Variants in BCHE observed in about 807,000 individuals in gnomAD.
The protein encoded by BCHE is cholinesterase.
In BCHE, 48 loss-of-function variants were observed where a neutral mutation model predicts 51.3. That is an observed-to-expected ratio of 0.94 (90% confidence interval 0.74 to 1.19). The LOEUF (loss-of-function observed/expected upper bound fraction) is 1.19, where lower values mean the gene tolerates loss of function less well. BCHE is among the 50% of genes most tolerant of loss of function. The pLI is 0.00. For missense variants in BCHE, 847 were observed against 708.2 expected (o/e 1.20, Z -2.23); for synonymous variants, 251 against 238.0 (o/e 1.05, Z -0.50).
chr3:165,802,701 A>C (rs1025311003), intron 2 of BCHE, among the ~76,000 whole-genome samples: 2 of 151,362 alleles, frequency 1.3e-5, no homozygotes, highest in Admixed American at 1.3e-4. Flanking sequence ...CATGATGTTT[A>C]ATGTCATAGA....
In BCHE at chr3:165,830,155, TCTAAGACA is replaced by T. The variant is rs1714903622; in HGVS notation, c.871_878del (p.Cys291LysfsTer2). 6.2e-7 allele frequency: 1 copy of T among 1,613,862 alleles called. No homozygotes were observed. The highest frequency in any genetic ancestry group is 1.1e-5 in the South Asian group (1 of 91,088). On this transcript the variant is annotated frameshift_variant, in exon 2 of 4. Transcript: ENST00000264381. LOFTEE classifies it high-confidence loss of function. ...GAAGAATTTCTTGGGGATCTTTATT[TCTAAGACA>T]CTTGATTATTTCAGTCTCATTCTCT...
In BCHE at chr3:165,837,379, A is replaced by G; in HGVS notation, c.-74T>C. On this transcript the variant is annotated 5_prime_UTR_variant, in exon 1 of 4. Coordinates refer to ENST00000264381, the MANE Select transcript of BCHE (RefSeq NM_000055.4). ...GAAAATCATGTAATACTTCGGGGAA[A>G]TGCAGGATGCAGCTGCTGCTCCAGC... 5 of 1,289,774 alleles carry G rather than the reference A, an allele frequency of 3.9e-6. No individual in the cohort carries two copies. The highest frequency in any genetic ancestry group is 5.1e-6 in the Non-Finnish European group (5 of 988,840). The allele number at this position is 1,289,774 out of a possible 1,614,324, so 79.9% of individuals were successfully genotyped here.
rs1335176595 is a variant in BCHE at position 165,780,085 on chromosome 3, C to T, written c.1684+6060G>A. ...AGACATATAGACCAATGACACAAAA[C>T]AGAAATCTCAGAAATAACATCATAC... On this transcript the variant is annotated intron_variant, in intron 3 of 3. Transcript: ENST00000264381. Among the ~76,000 whole-genome samples the T allele has an allele frequency of 2.6e-5, 4 of 152,190 alleles. No homozygotes were observed. The East Asian group carries it at 7.7e-4, about 29-fold the overall frequency.
chr3:165,812,599 C>G (rs1021405095), intron 2 of BCHE, among the ~76,000 whole-genome samples: 4 of 151,718 alleles, frequency 2.6e-5, no homozygotes, highest in Admixed American at 2.6e-4. Context: ...TAGAACTCAA[C>G]TACTGTAGAA....
chr3:165,807,935 C>T (rs1713928619), intron 2 of BCHE, among the ~76,000 whole-genome samples: 1 of 151,920 alleles, frequency 6.6e-6, no homozygotes, highest in African/African-American at 2.4e-5. Context: ...ATTTGAATTT[C>T]CTTTAATGGA....
At chr3:165,828,026 G>A (rs762463859) in intron 2 of BCHE, 1 of 455,784 alleles carries the variant, frequency 2.2e-6, no homozygotes, top group South Asian at 1.6e-5. Flanking sequence ...AAAACCACAG[G>A]TTCTGTTTCA....
At chr3:165,831,067 T>G in intron 1 of BCHE, 26 bp from the exon 2 acceptor site, 1 of 1,560,472 alleles carries the variant, frequency 6.4e-7, no homozygotes, top group Non-Finnish European at 8.7e-7. Context: ...GTATAATGTT[T>G]TATAAGCCTT....
chr3:165,791,694 T>G (rs1332132008), intron 2 of BCHE, among the ~76,000 whole-genome samples: 4 of 152,184 alleles, frequency 2.6e-5, no homozygotes, highest in Non-Finnish European at 4.4e-5. Flanking sequence ...GGCTCACGCT[T>G]GTAATCCCAT....
intron 2 of BCHE, among the ~76,000 whole-genome samples, chr3:165,793,671 T>G (rs1487041216): frequency 6.6e-6 from 1 of 152,206 alleles, no homozygotes. Flanking sequence ...AAAAACAGTA[T>G]TCCAAACCAA....
At chr3:165,781,750 A>G (rs1712712232) in intron 3 of BCHE, among the ~76,000 whole-genome samples, 1 of 152,164 alleles carries the variant, frequency 6.6e-6, no homozygotes, top group Non-Finnish European at 1.5e-5. Context: ...CAGCACTTAA[A>G]GTAAAATAAA....
At chr3:165,788,991 G>T (rs990135143) in intron 2 of BCHE, among the ~76,000 whole-genome samples, 2 of 152,028 alleles carry the variant, frequency 1.3e-5, no homozygotes, top group Admixed American at 6.6e-5. Context: ...TAAAAGCTTT[G>T]TGAAATACAA....
chr3:165,808,312 T>C (rs1292027448), intron 2 of BCHE, among the ~76,000 whole-genome samples: 1 of 152,108 alleles, frequency 6.6e-6, no homozygotes, highest in Non-Finnish European at 1.5e-5. Context: ...ACTCCAGCTA[T>C]TGAAAAACAG....
intron 2 of BCHE, among the ~76,000 whole-genome samples, chr3:165,800,979 T>A (rs1560011280): frequency 6.6e-6 from 1 of 152,170 alleles, no homozygotes; most frequent in African/African-American, 2.4e-5. Context: ...AATGTGGTAA[T>A]TTGGAACTGG....
At chr3:165,816,346 A>G (rs758737240) in intron 2 of BCHE, among the ~76,000 whole-genome samples, 4 of 152,184 alleles carry the variant, frequency 2.6e-5, no homozygotes, top group East Asian at 3.9e-4. Context: ...ATTAATCATT[A>G]TAATCACTGT....
intron 2 of BCHE, among the ~76,000 whole-genome samples, chr3:165,810,745 A>G (rs1714062722): frequency 6.6e-6 from 1 of 152,116 alleles, no homozygotes; most frequent in Non-Finnish European, 1.5e-5. Context: ...CTTCCTTAGC[A>G]GTGTTTGAGG....
chr3:165,806,939 G>A (rs1170856604), intron 2 of BCHE, among the ~76,000 whole-genome samples: 3 of 151,882 alleles, frequency 2.0e-5, no homozygotes, highest in Non-Finnish European at 4.4e-5. Flanking sequence ...TCATGACACC[G>A]TGTCTTTAGG....
intron 2 of BCHE, among the ~76,000 whole-genome samples, chr3:165,792,999 T>C (rs542575508): frequency 1.4e-4 from 22 of 152,308 alleles, no homozygotes; most frequent in African/African-American, 5.0e-4. Context: ...GTTAATTGTT[T>C]CTTTTGCTGT....
chr3:165,834,780 CT>C (rs879708838), intron 1 of BCHE, among the ~76,000 whole-genome samples: 168 of 151,432 alleles, frequency 1.1e-3, no homozygotes, highest in Non-Finnish European at 2.0e-3. Context: ...TATCGTTTTT[CT>C]TTTTTTTAAT....
chr3:165,791,122 C>T (rs1713147611), intron 2 of BCHE, among the ~76,000 whole-genome samples: 1 of 151,992 alleles, frequency 6.6e-6, no homozygotes, highest in East Asian at 1.9e-4. Context: ...TGGTGAAACC[C>T]CGTCTTTAAT....
Sources: allele counts gnomAD v4.1 joint callset (sites outside exome capture counted in the v4.1 genomes callset), GRCh38; gene constraint gnomAD v4.1.1; transcripts MANE v1.5; gene names NCBI Gene and HGNC (gene_info 2026-07-23, HGNC 2026-07-21).